Variants in DPF3 observed in about 807,000 individuals in gnomAD.
DPF3 encodes double PHD fingers 3.
DPF3 carries 18 observed loss-of-function variants against 56.8 expected under a neutral mutation model. The ratio of observed to expected loss-of-function variants is 0.32; its 90% confidence interval spans 0.22 to 0.47. The LOEUF is 0.47. Among genes scored for constraint, DPF3 ranks in the 20% least tolerant of loss-of-function variants. The pLI is 1.00. For synonymous variants in DPF3, 188 were observed against 180.2 expected (o/e 1.04, Z -0.35); for missense variants, 403 against 488.8 (o/e 0.82, Z 1.65).
chr14:72,885,131 A>AC (rs1360692531), intron 1 of DPF3, among the ~76,000 whole-genome samples: 1 of 146,422 alleles, frequency 6.8e-6, no homozygotes, highest in East Asian at 2.1e-4. Context: ...GTCTCAAAAA[A>AC]AAAAAACAGG....
In DPF3 at chr14:72,804,807, G is replaced by A. The variant is rs540085378; in HGVS notation, c.33-32914C>T. Among the ~76,000 whole-genome samples, 41 of 152,218 alleles carry A rather than the reference G, an allele frequency of 2.7e-4. No individual in the cohort carries two copies. In the South Asian group the frequency reaches 8.3e-3, roughly 31 times the overall value. ...GTGAAACTACTTTCCAGGGACGTTG[G>A]TATAAAATAGGCTGAGTCCTGGGAG... On this transcript the variant is annotated intron_variant, in intron 1 of 10. Coordinates refer to ENST00000556509, the MANE Select transcript of DPF3 (RefSeq NM_001280542.3).
At chr14:72,740,691 G>T (rs1425913864) in intron 3 of DPF3, among the ~76,000 whole-genome samples, 1 of 152,222 alleles carries the variant, frequency 6.6e-6, no homozygotes, top group Non-Finnish European at 1.5e-5. Flanking sequence ...CAGGGAAAAA[G>T]ATCTAGCCAC....
intron 1 of DPF3, among the ~76,000 whole-genome samples, chr14:72,861,396 C>T (rs906526751): frequency 2.6e-5 from 4 of 152,142 alleles, no homozygotes; most frequent in African/African-American, 9.7e-5. Flanking sequence ...ATTCAGACCC[C>T]TAGCTCTCCT....
At chr14:72,710,399 A>G (rs1043739300) in intron 6 of DPF3, among the ~76,000 whole-genome samples, 5 of 152,266 alleles carry the variant, frequency 3.3e-5, no homozygotes, top group African/African-American at 1.2e-4. Flanking sequence ...CACTGATGCA[A>G]GCCAGTGGCA....
At chr14:72,716,398 T>A (rs1290621883) in intron 5 of DPF3, among the ~76,000 whole-genome samples, 1 of 152,126 alleles carries the variant, frequency 6.6e-6, no homozygotes, top group East Asian at 1.9e-4. Context: ...GCAGCACTCT[T>A]AGGGTCTCTT....
intron 1 of DPF3, among the ~76,000 whole-genome samples, chr14:72,822,531 G>T (rs1200214396): frequency 1.3e-5 from 2 of 152,114 alleles, no homozygotes; most frequent in African/African-American, 4.8e-5. Flanking sequence ...TCACCAGAAA[G>T]ATACAGAAGA....
chr14:72,780,510 C>T (rs746232425), intron 1 of DPF3, among the ~76,000 whole-genome samples: 3 of 152,210 alleles, frequency 2.0e-5, no homozygotes, highest in Non-Finnish European at 4.4e-5. Flanking sequence ...CCTCAGCAAA[C>T]TAATGAAAGC....
Position 72,612,601 on chromosome 14 carries a change from G to A in DPF3, c.*6696C>T. ...AAGGGAGGAAACAGTGCAGGGAAGGGAGAGGGCAGGAGGAGAATCAGGGTC... is the reference window on the plus strand; with the variant it reads ...AAGGGAGGAAACAGTGCAGGGAAGGAAGAGGGCAGGAGGAGAATCAGGGTC... On this transcript the variant is annotated 3_prime_UTR_variant, in exon 11 of 11. Transcript: ENST00000556509. The A allele has an allele frequency of 1.9e-6, 1 of 518,996 alleles. No individual in the cohort carries two copies. Among genetic ancestry groups the A allele is most frequent in the Non-Finnish European group, 3.8e-6 (1 of 259,876 alleles). 32.1% of individuals were successfully genotyped at this position (518,996 alleles called of 1,614,324 possible).
At chr14:72,729,014 G>A (rs369849749) in intron 4 of DPF3, among the ~76,000 whole-genome samples, 9 of 152,022 alleles carry the variant, frequency 5.9e-5, no homozygotes, top group African/African-American at 1.9e-4. Flanking sequence ...TTGGGAGGCC[G>A]AAGTGGGTAG....
At chr14:72,782,590 T>C (rs1892024746) in intron 1 of DPF3, among the ~76,000 whole-genome samples, 1 of 152,168 alleles carries the variant, frequency 6.6e-6, no homozygotes, top group African/African-American at 2.4e-5. Context: ...ATCCCAGCAC[T>C]TTGGGAGGCT....
At chr14:72,847,692 A>C (rs1408488639) in intron 1 of DPF3, among the ~76,000 whole-genome samples, 1 of 152,014 alleles carries the variant, frequency 6.6e-6, no homozygotes, top group East Asian at 1.9e-4. Flanking sequence ...TTGTATTTTT[A>C]GTAGAGACGG....
chr14:72,706,265 T>C (rs1316530211), intron 6 of DPF3, among the ~76,000 whole-genome samples: 2 of 152,208 alleles, frequency 1.3e-5, no homozygotes, highest in Non-Finnish European at 2.9e-5. Flanking sequence ...CCTAAGGGCC[T>C]TCTTGGCATC....
chr14:72,660,029 T>C lies in DPF3; in HGVS notation c.871+14211A>G, dbSNP rs187678374. Among the ~76,000 whole-genome samples, 205 of 152,080 alleles carry C rather than the reference T, an allele frequency of 1.3e-3. 1 individual carries two copies. Among genetic ancestry groups the C allele is most frequent in the African/African-American group, 3.6e-3 (149 of 41,476 alleles). On this transcript the variant is annotated intron_variant, in intron 8 of 10. Transcript: ENST00000556509. ...TTCAGAGGGACAGAAAGTAGAATGG[T>C]GGTTGCCAGGAGCTGGGGAGGGAAT...
At chr14:72,670,582 C>A in intron 8 of DPF3, 1 of 987,308 alleles carries the variant, frequency 1.0e-6, no homozygotes, top group Admixed American at 6.1e-5. Flanking sequence ...AAATTCTCCC[C>A]ACCGGGCGGC....
At chr14:72,822,538 A>T (rs2140036837) in intron 1 of DPF3, among the ~76,000 whole-genome samples, 1 of 152,370 alleles carries the variant, frequency 6.6e-6, no homozygotes, top group Admixed American at 6.5e-5. Flanking sequence ...AAAGATACAG[A>T]AGAAAAAACA....
intron 1 of DPF3, among the ~76,000 whole-genome samples, chr14:72,859,471 C>G (rs1465088029): frequency 8.6e-5 from 2 of 23,338 alleles, no homozygotes; most frequent in Admixed American, 6.7e-4. Flanking sequence ...CAGCTTCCTC[C>G]CCCCCCCCCC....
At chr14:72,717,009 A>G (rs1320765619) in intron 5 of DPF3, among the ~76,000 whole-genome samples, 3 of 152,172 alleles carry the variant, frequency 2.0e-5, no homozygotes, top group Non-Finnish European at 4.4e-5. Context: ...AGACAAAGGG[A>G]TGAAAGACAG....
In DPF3 at chr14:72,609,891, C is replaced by T. The variant is rs536114198; in HGVS notation, c.*9406G>A. Among the ~76,000 whole-genome samples, 5 of 152,208 alleles carry T rather than the reference C, an allele frequency of 3.3e-5. No individual in the cohort carries two copies. Among genetic ancestry groups the T allele is most frequent in the Non-Finnish European group, 7.3e-5 (5 of 68,040 alleles). ...TCAGTCCTGGTCTGAAGTACCAAAG[C>T]AGCCCAAGGCAAAACCTCATCTGCA... On this transcript the variant is annotated 3_prime_UTR_variant, in exon 11 of 11. Coordinates refer to ENST00000556509, the MANE Select transcript of DPF3 (RefSeq NM_001280542.3).
At chr14:72,623,602 C>A (rs1196454619) in intron 9 of DPF3, among the ~76,000 whole-genome samples, 1 of 152,066 alleles carries the variant, frequency 6.6e-6, no homozygotes, top group Non-Finnish European at 1.5e-5. Context: ...TATTGAAGAG[C>A]AAGATTTTGT....
Sources: allele counts gnomAD v4.1 joint callset (sites outside exome capture counted in the v4.1 genomes callset), GRCh38; gene constraint gnomAD v4.1.1; transcripts MANE v1.5; gene names NCBI Gene and HGNC (gene_info 2026-07-23, HGNC 2026-07-21).